The following ADCY5 variants were observed in gnomAD, a reference collection of about 807,000 sequenced individuals.
The protein encoded by ADCY5 is adenylate cyclase type 5.
Under a neutral mutation model 119.7 loss-of-function variants are expected in ADCY5, and 30 were observed. The ratio of observed to expected loss-of-function variants is 0.25; its 90% CI spans 0.19 to 0.34. The LOEUF is 0.34. Ranked by LOEUF, ADCY5 falls within the 10% of genes least tolerant of loss-of-function variation. The probability of loss-of-function intolerance (pLI) is 1.00; values close to 1 mark genes in which losing one functional copy is unlikely to be tolerated. For synonymous variants in ADCY5, 753 were observed against 762.2 expected, an observed-to-expected ratio of 0.99 and a Z score of 0.20; for missense variants, 1,324 against 1,775.2, an observed-to-expected ratio of 0.75 and a Z score of 4.57.
intron 11 of ADCY5, 119 bp from the exon 12 acceptor site, chr3:123,314,441 G>C: frequency 1.4e-6 from 1 of 723,078 alleles, no homozygotes; most frequent in South Asian, 1.9e-5. Flanking sequence ...CAGCTTCAGA[G>C]GGCCTGGGCT....
At position 123,352,305 on chromosome 3, in the gene ADCY5, G is replaced by T; in HGVS notation, c.1284+127C>A. On this transcript the variant is annotated intron_variant, in intron 2 of 20. Coordinates refer to ENST00000462833, the MANE Select transcript of ADCY5 (RefSeq NM_183357.3). This position sits in a 1 kb window ranked among gnomAD's most constrained non-coding sequence, Gnocchi z 4.8. ...CCAGGGGAAACATTCCCCATGGGTT[G>T]GTCCCCTCCCGGGGAGTGGGGCTGG... The T allele has an allele frequency of 2.6e-6, 3 of 1,160,468 alleles. No homozygotes were observed. The highest frequency in any genetic ancestry group is 3.5e-6 in the Non-Finnish European group (3 of 851,488). 71.9% of individuals were successfully genotyped at this position (1,160,468 alleles called of 1,614,324 possible).
At chr3:123,357,533 A>G (rs1943083530) in intron 1 of ADCY5, among the ~76,000 whole-genome samples, 1 of 152,162 alleles carries the variant, frequency 6.6e-6, no homozygotes, top group African/African-American at 2.4e-5. Context: ...TAGCCGTCCA[A>G]ATGGCTTTGC....
At chr3:123,368,884 A>ATCTTGTT (rs1396756614) in intron 1 of ADCY5, among the ~76,000 whole-genome samples, 3 of 152,210 alleles carry the variant, frequency 2.0e-5, no homozygotes. Context: ...GATGAAAAGA[A>ATCTTGTT]AATTGAAGGC....
intron 1 of ADCY5, chr3:123,404,209 G>A (rs1944843623): frequency 6.6e-6 from 1 of 152,196 alleles, no homozygotes. Flanking sequence ...ATTACCTCGA[G>A]GCTCTGGAAG....
At chr3:123,372,090 T>C (rs1005569806) in intron 1 of ADCY5, among the ~76,000 whole-genome samples, 1 of 152,208 alleles carries the variant, frequency 6.6e-6, no homozygotes, top group Non-Finnish European at 1.5e-5. Flanking sequence ...CTGCACTTAC[T>C]GCTGGACTTG....
At chr3:123,358,224 G>A (rs940433556) in intron 1 of ADCY5, among the ~76,000 whole-genome samples, 2 of 150,880 alleles carry the variant, frequency 1.3e-5, no homozygotes, top group African/African-American at 4.9e-5. Context: ...CGGAGCACGT[G>A]ACATATACCC....
intron 1 of ADCY5, among the ~76,000 whole-genome samples, chr3:123,407,975 AG>A (rs1182716162): frequency 6.6e-6 from 1 of 151,912 alleles, no homozygotes; most frequent in Non-Finnish European, 1.5e-5. Flanking sequence ...TGTTTGGGAT[AG>A]ACAGAGGTGG....
intron 1 of ADCY5, among the ~76,000 whole-genome samples, chr3:123,420,993 G>A (rs1009418274): frequency 5.3e-5 from 8 of 152,086 alleles, no homozygotes; most frequent in Non-Finnish European, 1.2e-4. Context: ...CTGTCTCTGT[G>A]TCCAAATTTC....
At chr3:123,429,485 C>G (rs981502068) in intron 1 of ADCY5, among the ~76,000 whole-genome samples, 7 of 152,104 alleles carry the variant, frequency 4.6e-5, no homozygotes, top group African/African-American at 1.7e-4. Context: ...GAGCAGAAGG[C>G]AAAGTAAGCT....
At chr3:123,319,187 C>T (rs553253189) in intron 10 of ADCY5, among the ~76,000 whole-genome samples, 1 of 152,000 alleles carries the variant, frequency 6.6e-6, no homozygotes, top group African/African-American at 2.4e-5. Context: ...AACCCCATCT[C>T]TACTAAAAAT....
In ADCY5 at chr3:123,415,994, G is replaced by A. The variant is rs564764563; in HGVS notation, c.1134+31418C>T. The stretch of plus-strand genomic sequence containing the variant: ...ACTGCTGGTTGAATGGTAGGTATAC[G>A]GTAGTTCATTATTTTTTCTACTTTG... On this transcript the variant is annotated intron_variant, in intron 1 of 20. Coordinates refer to ENST00000462833, the MANE Select transcript of ADCY5 (RefSeq NM_183357.3). Among the ~76,000 whole-genome samples, 315 of 152,284 alleles carry A rather than the reference G, an allele frequency of 2.1e-3. 5 individuals are homozygous for A. The highest frequency in any genetic ancestry group is 2.2e-4 in the Non-Finnish European group (15 of 68,022).
At chr3:123,324,256 T>G (rs975198394) in intron 8 of ADCY5, among the ~76,000 whole-genome samples, 5 of 152,310 alleles carry the variant, frequency 3.3e-5, no homozygotes, top group Middle Eastern at 3.4e-3. Context: ...TCCAGGCTCC[T>G]GGCTCTTGTC....
At chr3:123,428,454 T>C (rs1219772196) in intron 1 of ADCY5, among the ~76,000 whole-genome samples, 1 of 152,236 alleles carries the variant, frequency 6.6e-6, no homozygotes, top group African/African-American at 2.4e-5. Context: ...TGGATTACAG[T>C]GTCTCCATCT....
At chr3:123,326,354 C>G (rs984845364) in intron 7 of ADCY5, among the ~76,000 whole-genome samples, 1 of 152,230 alleles carries the variant, frequency 6.6e-6, no homozygotes, top group African/African-American at 2.4e-5. Flanking sequence ...AGACCTGAGG[C>G]AACCCTCCCC....
At chr3:123,409,203 T>C (rs1162212746) in intron 1 of ADCY5, among the ~76,000 whole-genome samples, 1 of 152,162 alleles carries the variant, frequency 6.6e-6, no homozygotes, top group East Asian at 1.9e-4. Flanking sequence ...GACCTTGGGT[T>C]TTTAGAAAAG....
At chr3:123,324,781 T>A (rs906321954) in intron 8 of ADCY5, among the ~76,000 whole-genome samples, 2 of 152,198 alleles carry the variant, frequency 1.3e-5, no homozygotes, top group African/African-American at 4.8e-5. Flanking sequence ...ATGCTCCCAC[T>A]GGAAGGCTGG....
chr3:123,316,585 G>GA (rs1940921637), intron 11 of ADCY5, among the ~76,000 whole-genome samples: 1 of 152,188 alleles, frequency 6.6e-6, no homozygotes, highest in Non-Finnish European at 1.5e-5. Context: ...ATTTCAACAT[G>GA]AAAAACAGAA....
At position 123,304,125 on chromosome 3, in the gene ADCY5, C is replaced by T; in HGVS notation, c.2501G>A (p.Ser834Asn). 1 of 1,484,130 alleles carries T rather than the reference C, an allele frequency of 6.7e-7. No homozygotes were observed. Among genetic ancestry groups the T allele is most frequent in the Non-Finnish European group, 9.1e-7 (1 of 1,098,764 alleles). 91.9% of individuals were successfully genotyped at this position (1,484,130 alleles called of 1,614,324 possible). A position where few individuals can be genotyped will look rare whatever the true frequency, so the allele number is the denominator to read the frequency against. The change falls in exon 13 of 21, where the codon AGC (serine) becomes AAC (asparagine). Residue 834 changes from serine (S) to asparagine (N), a missense_variant. Ser to Asn is a conservative substitution (Grantham distance 46, BLOSUM62 1). Around this residue, in one of 6 missense-constraint regions of ADCY5, gnomAD observed 424 missense variants for 546.8 expected, o/e 0.78. Coordinates refer to ENST00000462833, the MANE Select transcript of ADCY5 (RefSeq NM_183357.3). ...SRKIVRSKMN[S>N]TLVGVFTITL... ...GATGGTGAACACCCCAACCAGGGTG[C>T]TGTTCATCTTGGACCGCACGATCTT...
Position 123,447,767 on chromosome 3 carries a change from T to C in ADCY5, c.779A>G (p.His260Arg). The C allele has an allele frequency of 6.2e-7, 1 of 1,608,224 alleles. No individual in the cohort carries two copies. The highest frequency in any genetic ancestry group is 1.1e-5 in the South Asian group (1 of 90,886). ...CAGCTGGAGCGGGGGCCGCGCCGCG[T>C]GGAAGGCCAACATGACCAGGCACAC... Reference protein sequence around the residue: ...VLVCLVMLAFHAARPPLQLPY... With the variant: ...VLVCLVMLAFRAARPPLQLPY... Residue 260 changes from histidine (H) to arginine (R), a missense_variant, in exon 1 of 21, where the codon CAC becomes CGC. Physicochemically the swap from His to Arg is conservative, Grantham distance 29. Coordinates refer to ENST00000462833, the MANE Select transcript of ADCY5 (RefSeq NM_183357.3).
Sources: gnomAD v4.1 joint callset for allele counts (sites outside exome capture counted in the v4.1 genomes callset) on GRCh38, gnomAD v4.1.1 for gene constraint, gnomAD v4.1.1 regional missense constraint, Gnocchi (gnomAD v3.1) non-coding constraint, MANE v1.5 for transcripts, NCBI Gene and HGNC (gene_info 2026-07-23, HGNC 2026-07-21) for gene names.